PTPRD: variants seen among roughly 807,000 people sequenced by gnomAD.
PTPRD encodes receptor-type tyrosine-protein phosphatase delta.
A neutral mutation model predicts 214.5 loss-of-function variants in PTPRD; 34 were observed. The ratio of observed to expected loss-of-function variants is 0.16; its 90% CI spans 0.12 to 0.21. The LOEUF is 0.21. Ranked by LOEUF, PTPRD falls within the 10% of genes least tolerant of loss-of-function variation. PTPRD has a pLI of 1.00. For missense variants in PTPRD, 2,545 were observed against 2,398.7 expected, an observed-to-expected ratio of 1.06 and a Z score of -1.27; for synonymous variants, 1,128 against 845.7, an observed-to-expected ratio of 1.33 and a Z score of -5.79.
intron 10 of PTPRD, among the ~76,000 whole-genome samples, chr9:9,108,352 G>C (rs376430477): frequency 6.6e-6 from 1 of 152,154 alleles, no homozygotes; most frequent in Non-Finnish European, 1.5e-5. Context: ...TGACCCAGCA[G>C]AGGAAATAAA....
intron 2 of PTPRD, among the ~76,000 whole-genome samples, chr9:10,576,084 T>C (rs558648154): frequency 5.3e-5 from 8 of 152,308 alleles, no homozygotes; most frequent in East Asian, 1.9e-4. Flanking sequence ...TATTTTCTAC[T>C]GACAATTAAC....
chr9:8,534,385 A>G (rs7046918), intron 14 of PTPRD, among the ~76,000 whole-genome samples: 26,434 of 151,840 alleles, frequency 0.17, 2,355 homozygotes, highest in South Asian at 0.22. Flanking sequence ...CCCAGGAGTG[A>G]ACCACTCAGT....
At chr9:9,872,918 T>C (rs2065875879) in intron 5 of PTPRD, among the ~76,000 whole-genome samples, 1 of 152,172 alleles carries the variant, frequency 6.6e-6, no homozygotes, top group African/African-American at 2.4e-5. Flanking sequence ...GCCTGATTAA[T>C]ATTTATTAAG....
intron 11 of PTPRD, chr9:8,962,169 T>C (rs568119268): frequency 6.6e-6 from 1 of 152,246 alleles, no homozygotes; most frequent in East Asian, 1.9e-4. Flanking sequence ...GGAACAAAGA[T>C]ATGAGACTCC....
chr9:10,160,066 G>T (rs557800374), intron 3 of PTPRD, among the ~76,000 whole-genome samples: 1 of 151,846 alleles, frequency 6.6e-6, no homozygotes, highest in Non-Finnish European at 1.5e-5. Context: ...AAAGAAACAA[G>T]ATCTAAATAT....
intron 21 of PTPRD, among the ~76,000 whole-genome samples, chr9:8,513,738 C>G (rs755409360): frequency 6.6e-6 from 1 of 151,960 alleles, no homozygotes. Context: ...AGGAGCAGCT[C>G]GGCATTAATT....
chr9:10,523,148 A>G (rs2052936897), intron 2 of PTPRD, among the ~76,000 whole-genome samples: 2 of 152,116 alleles, frequency 1.3e-5, no homozygotes, highest in Non-Finnish European at 2.9e-5. Flanking sequence ...GGTCTTGCCA[A>G]TTAGAACATT....
chr9:9,381,591 A>C (rs1275378524), intron 9 of PTPRD, among the ~76,000 whole-genome samples: 1 of 151,884 alleles, frequency 6.6e-6, no homozygotes, highest in Non-Finnish European at 1.5e-5. Context: ...TGGGCTCAGC[A>C]ACCTACCCAC....
intron 11 of PTPRD, among the ~76,000 whole-genome samples, chr9:8,973,321 T>TTTTCTG (rs1349270138): frequency 6.6e-6 from 1 of 152,020 alleles, no homozygotes; most frequent in Non-Finnish European, 1.5e-5. Context: ...CAGGATTTAG[T>TTTTCTG]TTTCTGTTTC....
At chr9:8,910,994 C>A (rs1056190517) in intron 11 of PTPRD, among the ~76,000 whole-genome samples, 1 of 152,134 alleles carries the variant, frequency 6.6e-6, no homozygotes, top group Non-Finnish European at 1.5e-5. Flanking sequence ...CGATTAAAGA[C>A]ACTATTATTA....
At chr9:8,625,134 G>C (rs951078438) in intron 14 of PTPRD, among the ~76,000 whole-genome samples, 3 of 151,742 alleles carry the variant, frequency 2.0e-5, no homozygotes, top group Admixed American at 6.6e-5. Flanking sequence ...AAGACATAAA[G>C]AGTATAATTT....
At position 8,316,870 on chromosome 9, in the gene PTPRD, A is replaced by T. The variant is rs933149585; in HGVS notation, c.*1004T>A. 4 of 229,058 alleles carry T rather than the reference A, an allele frequency of 1.7e-5. No individual in the cohort carries two copies. The highest frequency in any genetic ancestry group is 3.4e-5 in the Non-Finnish European group (4 of 116,276). The allele number at this position is 229,058 out of a possible 1,614,324, so 14.2% of individuals were successfully genotyped here. A position where few individuals can be genotyped will look rare whatever the true frequency, so the allele number is the denominator to read the frequency against. On this transcript the variant is annotated 3_prime_UTR_variant, in exon 46 of 46. Transcript: ENST00000381196. ...TGTTTACAATAGCTTTTCTACGTTT[A>T]AAAAAACTAAATCATGGAAGAACTG...
chr9:10,445,305 T>G (rs184317093), intron 2 of PTPRD, among the ~76,000 whole-genome samples: 20 of 151,996 alleles, frequency 1.3e-4, no homozygotes, highest in Admixed American at 6.6e-5. Flanking sequence ...ATTGTTGACT[T>G]TGAAGCACTT....
At chr9:8,564,597 G>A (rs1470491926) in intron 14 of PTPRD, among the ~76,000 whole-genome samples, 1 of 152,056 alleles carries the variant, frequency 6.6e-6, no homozygotes, top group African/African-American at 2.4e-5. Context: ...GCTACTCAGG[G>A]GCTGAGGCAG....
chr9:9,744,190 C>G (rs1356113860), intron 6 of PTPRD, among the ~76,000 whole-genome samples: 3 of 152,068 alleles, frequency 2.0e-5, no homozygotes, highest in Non-Finnish European at 2.9e-5. Flanking sequence ...CCAAACAAGT[C>G]ATAATCAACG....
intron 34 of PTPRD, among the ~76,000 whole-genome samples, chr9:8,446,979 A>G (rs1199626182): frequency 6.6e-6 from 1 of 152,224 alleles, no homozygotes; most frequent in East Asian, 1.9e-4. Flanking sequence ...TCACATCTCT[A>G]TGAATTTCAT....
chr9:9,026,870 C>T (rs933346600), intron 10 of PTPRD, among the ~76,000 whole-genome samples: 18 of 151,876 alleles, frequency 1.2e-4, no homozygotes, highest in Middle Eastern at 6.8e-3. Context: ...TCTCCTACTC[C>T]GACATTTTAG....
intron 11 of PTPRD, among the ~76,000 whole-genome samples, chr9:8,777,783 C>G (rs1378045182): frequency 1.3e-5 from 2 of 152,036 alleles, no homozygotes; most frequent in African/African-American, 2.4e-5. Flanking sequence ...TTCATTGTAC[C>G]AAAGATATGA....
At chr9:10,063,231 G>A (rs919437545) in intron 3 of PTPRD, among the ~76,000 whole-genome samples, 20 of 152,010 alleles carry the variant, frequency 1.3e-4, no homozygotes, top group African/African-American at 4.6e-4. Context: ...TTCTGTCAAC[G>A]TTTTAACCAA....
Sources: gnomAD v4.1 joint callset for allele counts (sites outside exome capture counted in the v4.1 genomes callset) on GRCh38, gnomAD v4.1.1 for gene constraint, MANE v1.5 for transcripts, NCBI Gene and HGNC (gene_info 2026-07-23, HGNC 2026-07-21) for gene names.